MYO5B: variants seen among roughly 807,000 people sequenced by gnomAD.
The protein encoded by MYO5B is unconventional myosin-Vb.
Under a neutral mutation model 229.3 loss-of-function variants are expected in MYO5B, and 143 were observed. The ratio of observed to expected loss-of-function variants is 0.62; its 90% CI spans 0.54 to 0.72. The LOEUF is 0.72. Ranked by LOEUF, MYO5B falls within the 30% of genes least tolerant of loss-of-function variation. The pLI, the probability that MYO5B is intolerant of heterozygous loss-of-function variation, is 0.00. For synonymous variants in MYO5B, 918 were observed against 885.2 expected (o/e 1.04, Z -0.66); for missense variants, 2,321 against 2,331.0 (o/e 1.00, Z 0.09).
chr18:50,188,974 G>C (rs12966211), intron 1 of MYO5B, among the ~76,000 whole-genome samples: 81,264 of 151,948 alleles, frequency 0.53, 21,898 homozygotes, highest in Admixed American at 0.61. Flanking sequence ...TGGGCTTATA[G>C]GCCCATCTGA....
At chr18:50,093,246 A>T (rs1441350444) in intron 1 of MYO5B, among the ~76,000 whole-genome samples, 1 of 151,764 alleles carries the variant, frequency 6.6e-6, no homozygotes, top group Non-Finnish European at 1.5e-5. Flanking sequence ...ACACACACAC[A>T]AAAGAATATT....
chr18:50,144,352 G>C (rs565312747), intron 1 of MYO5B, among the ~76,000 whole-genome samples: 1 of 152,176 alleles, frequency 6.6e-6, no homozygotes, highest in South Asian at 2.1e-4. Context: ...TGATCCCTCT[G>C]AAAAAAAGTC....
At chr18:50,069,832 T>C (rs2030910511) in intron 1 of MYO5B, among the ~76,000 whole-genome samples, 1 of 152,028 alleles carries the variant, frequency 6.6e-6, no homozygotes, top group Non-Finnish European at 1.5e-5. Context: ...CCCAACCCAA[T>C]ATTCAAGTTT....
At position 50,129,098 on chromosome 18, in the gene MYO5B, G is replaced by C. The variant is rs2032213129; in HGVS notation, c.27+65669C>G. 2.0e-5 allele frequency among the ~76,000 whole-genome samples: 3 copies of C among 152,338 alleles called. No individual in the cohort carries two copies. In the South Asian group the frequency reaches 6.2e-4, roughly 32 times the overall value. On this transcript the variant is annotated intron_variant, in intron 1 of 39. Coordinates refer to ENST00000285039, the MANE Select transcript of MYO5B (RefSeq NM_001080467.3). ...GGTGGCAGGGAATGCTCAGTGATGTGAAAGGAGCCCAGGCCAGGCCCCACG... is the reference window on the plus strand; with the variant it reads ...GGTGGCAGGGAATGCTCAGTGATGTCAAAGGAGCCCAGGCCAGGCCCCACG...
At chr18:49,946,488 A>G (rs1244919772) in intron 14 of MYO5B, 1 of 152,198 alleles carries the variant, frequency 6.6e-6, no homozygotes. Context: ...CACACTAGGA[A>G]CTTGGAAATC....
chr18:50,041,159 A>G (rs1470253739), intron 2 of MYO5B, among the ~76,000 whole-genome samples: 5 of 152,326 alleles, frequency 3.3e-5, no homozygotes, highest in South Asian at 4.1e-4. Flanking sequence ...AGACGCTTAT[A>G]AAGTTTCCTG....
chr18:50,061,372 A>G lies in MYO5B; in HGVS notation c.28-5994T>C, dbSNP rs565628032. On this transcript the variant is annotated intron_variant, in intron 1 of 39. Transcript: ENST00000285039. ...TTAGGCAATGATGATGATGATGGTG[A>G]TATTACTATACAGTTTTGTCGAGAA... 2.0e-5 allele frequency among the ~76,000 whole-genome samples: 3 copies of G among 152,330 alleles called. No individual in the cohort carries two copies. In the East Asian group the frequency reaches 5.8e-4, roughly 29 times the overall value.
chr18:50,113,913 A>G (rs767603327), intron 1 of MYO5B, among the ~76,000 whole-genome samples: 3 of 152,208 alleles, frequency 2.0e-5, no homozygotes, highest in Non-Finnish European at 4.4e-5. Flanking sequence ...AGAACACACA[A>G]TTAACTCATT....
chr18:49,967,136 G>A (rs1003227021), intron 10 of MYO5B, among the ~76,000 whole-genome samples: 1 of 152,142 alleles, frequency 6.6e-6, no homozygotes, highest in African/African-American at 2.4e-5. Flanking sequence ...AAGAATCGAT[G>A]CTGAAATGTG....
chr18:50,104,429 T>C (rs907599892), intron 1 of MYO5B, among the ~76,000 whole-genome samples: 3 of 152,104 alleles, frequency 2.0e-5, no homozygotes, highest in Non-Finnish European at 4.4e-5. Flanking sequence ...CATCTATTTG[T>C]GGTCATTAAT....
intron 12 of MYO5B, among the ~76,000 whole-genome samples, chr18:49,957,907 T>C (rs1557358): frequency 0.02 from 3,000 of 152,040 alleles, 120 homozygotes; most frequent in African/African-American, 0.069. Flanking sequence ...CCTCCCCTCT[T>C]TGCCATCACA....
Position 49,872,190 on chromosome 18 carries a change from C to A in MYO5B, c.3580G>T (p.Asp1194Tyr), listed in dbSNP as rs1252255795. ...ACCTTCAGACTATTGTAGGCCAGATCTGCATTCGGGTCCAAATCTATGTCA... is the reference window on the plus strand; with the variant it reads ...ACCTTCAGACTATTGTAGGCCAGATATGCATTCGGGTCCAAATCTATGTCA... ...QTDIDLDPNA[D>Y]LAYNSLKRQE... is the part of the protein sequence containing the mutation. The change falls in exon 27 of 40, where the codon GAT (aspartate) becomes TAT (tyrosine). Residue 1194 changes from aspartate to tyrosine, a missense_variant. Around this residue, in one of 2 missense-constraint regions of MYO5B, gnomAD observed 2,113 missense variants for 2,044.7 expected, o/e 1.03. Transcript: ENST00000285039. 1.9e-6 allele frequency: 3 copies of A among 1,614,142 alleles called. No homozygotes were observed. The highest frequency in any genetic ancestry group is 2.2e-5 in the East Asian group (1 of 44,884).
chr18:50,044,799 G>A (rs1423578582), intron 2 of MYO5B, among the ~76,000 whole-genome samples: 1 of 152,084 alleles, frequency 6.6e-6, no homozygotes, highest in Non-Finnish European at 1.5e-5. Flanking sequence ...TGAGGATGCC[G>A]GCAGGGAAAA....
Position 49,843,320 on chromosome 18 carries a change from T to G in MYO5B, c.4532A>C (p.His1511Pro). ...PAYILYMCIR[H>P]ADYTNDDLKV... ...GAGATCGTCGTTGGTGTAGTCCGCG[T>G]GCCGGATGCACATGTAGAGGATGTA... The change falls in exon 34 of 40, where the codon CAC becomes CCC. Residue 1511 changes from histidine to proline, a missense_variant. This residue lies in a region of MYO5B where 2,113 missense variants were observed against 2,044.7 expected (regional missense o/e 1.03). Transcript: ENST00000285039. 1 of 1,614,138 alleles carries G rather than the reference T, an allele frequency of 6.2e-7. No homozygotes were observed. The highest frequency in any genetic ancestry group is 8.5e-7 in the Non-Finnish European group (1 of 1,180,018).
chr18:50,079,300 C>G (rs2031159001), intron 1 of MYO5B, among the ~76,000 whole-genome samples: 1 of 152,224 alleles, frequency 6.6e-6, no homozygotes, highest in Non-Finnish European at 1.5e-5. Flanking sequence ...TCTATATTGT[C>G]TCCCCCAGAA....
At chr18:50,133,923 C>T (rs566273275) in intron 1 of MYO5B, among the ~76,000 whole-genome samples, 73 of 152,152 alleles carry the variant, frequency 4.8e-4, no homozygotes, top group African/African-American at 1.7e-3. Flanking sequence ...AAGAGAAAGA[C>T]ACAAGTGCAG....
intron 21 of MYO5B, among the ~76,000 whole-genome samples, chr18:49,900,014 T>G (rs1358410010): frequency 6.6e-6 from 1 of 152,208 alleles, no homozygotes; most frequent in Non-Finnish European, 1.5e-5. Flanking sequence ...ATTTTTATCC[T>G]CTCAAGTTAA....
intron 1 of MYO5B, among the ~76,000 whole-genome samples, chr18:50,089,053 T>C (rs1194597547): frequency 6.6e-6 from 1 of 152,186 alleles, no homozygotes; most frequent in Admixed American, 6.5e-5. Context: ...TTCCTTTAAG[T>C]ACCATTTTTT....
At chr18:49,918,760 A>G (rs1013980992) in intron 17 of MYO5B, among the ~76,000 whole-genome samples, 2 of 152,232 alleles carry the variant, frequency 1.3e-5, no homozygotes, top group Non-Finnish European at 2.9e-5. Context: ...TGAGACATGG[A>G]TCATCTTCAT....
Sources: allele counts gnomAD v4.1 joint callset (sites outside exome capture counted in the v4.1 genomes callset), GRCh38; gene constraint gnomAD v4.1.1; regional missense constraint gnomAD v4.1.1; transcripts MANE v1.5; gene names NCBI Gene and HGNC (gene_info 2026-07-23, HGNC 2026-07-21).